SOX5: variants seen among roughly 807,000 people sequenced by gnomAD.
SOX5 encodes the protein SRY-box transcription factor 5, also known as transcription factor SOX-5.
A neutral mutation model predicts 92.0 loss-of-function variants in SOX5; 9 were observed. The ratio of observed to expected loss-of-function variants is 0.10; its 90% CI spans 0.06 to 0.17. The LOEUF is 0.17. SOX5 is among the 10% of genes least tolerant of loss of function. The probability of loss-of-function intolerance (pLI) is 1.00; values close to 1 mark genes in which losing one functional copy is unlikely to be tolerated. For synonymous variants in SOX5, 344 were observed against 336.3 expected (o/e 1.02, Z -0.25); for missense variants, 642 against 944.5 (o/e 0.68, Z 4.20).
chr12:23,944,851 T>C (rs1413026859), intron 1 of SOX5, among the ~76,000 whole-genome samples: 1 of 152,182 alleles, frequency 6.6e-6, no homozygotes, highest in Non-Finnish European at 1.5e-5. Flanking sequence ...TGCCATCATC[T>C]GAGTCAGAGA....
intron 6 of SOX5, among the ~76,000 whole-genome samples, chr12:23,710,456 G>C (rs1226383026): frequency 6.6e-6 from 1 of 151,894 alleles, no homozygotes; most frequent in Non-Finnish European, 1.5e-5. Flanking sequence ...TATTCTTGTT[G>C]TTCACTTCCC....
At chr12:23,682,700 A>C (rs1426208195) in intron 6 of SOX5, among the ~76,000 whole-genome samples, 2 of 151,884 alleles carry the variant, frequency 1.3e-5, no homozygotes, top group Non-Finnish European at 3.0e-5. Flanking sequence ...CTCTTTGTAT[A>C]ATATCTTCTT....
At chr12:23,601,501 C>A (rs146975306) in intron 9 of SOX5, among the ~76,000 whole-genome samples, 1 of 151,946 alleles carries the variant, frequency 6.6e-6, no homozygotes, top group Non-Finnish European at 1.5e-5. Context: ...AACACAAAAC[C>A]CTTTAATAAA....
chr12:23,998,180 A>G (rs1051343911), intron 4 of SOX5, among the ~76,000 whole-genome samples: 2 of 152,160 alleles, frequency 1.3e-5, no homozygotes, highest in Non-Finnish European at 2.9e-5. Flanking sequence ...AAATTAAACC[A>G]TGTTTTAAGA....
At chr12:24,305,367 T>G (rs1408224914) in intron 2 of SOX5, among the ~76,000 whole-genome samples, 2 of 152,180 alleles carry the variant, frequency 1.3e-5, no homozygotes, top group African/African-American at 4.8e-5. Flanking sequence ...TGATGGTGAT[T>G]CTGTTGGACA....
intron 9 of SOX5, 31 bp from the exon 10 acceptor site, chr12:23,575,869 T>A: frequency 6.7e-7 from 1 of 1,498,672 alleles, no homozygotes; most frequent in Non-Finnish European, 8.9e-7. Context: ...TGAGCTGTGA[T>A]AAGGAAAGGC....
chr12:23,559,584 A>C (rs1299349840), intron 11 of SOX5, among the ~76,000 whole-genome samples: 1 of 152,218 alleles, frequency 6.6e-6, no homozygotes, highest in Non-Finnish European at 1.5e-5. Flanking sequence ...ATCAGTCCCT[A>C]TCTTCACACC....
intron 3 of SOX5, among the ~76,000 whole-genome samples, chr12:24,239,486 G>A (rs993264129): frequency 9.2e-5 from 14 of 152,026 alleles, no homozygotes; most frequent in African/African-American, 3.4e-4. Flanking sequence ...ATTTTTATAG[G>A]ACTTCTGAAA....
At chr12:24,422,442 G>A (rs1426671516) in intron 1 of SOX5, among the ~76,000 whole-genome samples, 1 of 152,106 alleles carries the variant, frequency 6.6e-6, no homozygotes, top group Non-Finnish European at 1.5e-5. Flanking sequence ...CCCCAGCCTG[G>A]GAGATCATGG....
chr12:24,450,721 C>T (rs1227642263), intron 1 of SOX5, among the ~76,000 whole-genome samples: 5 of 152,126 alleles, frequency 3.3e-5, no homozygotes, highest in East Asian at 1.9e-4. Flanking sequence ...AAACTCCTGA[C>T]GTCAAGTGAT....
chr12:23,538,916 T>C (rs189683703), intron 13 of SOX5, among the ~76,000 whole-genome samples: 67 of 150,090 alleles, frequency 4.5e-4, no homozygotes, highest in African/African-American at 1.6e-3. Flanking sequence ...TTCTCCTGCC[T>C]CAGCCTCCCG....
chr12:24,030,694 G>T (rs1387793367), intron 4 of SOX5, among the ~76,000 whole-genome samples: 1 of 151,890 alleles, frequency 6.6e-6, no homozygotes, highest in Non-Finnish European at 1.5e-5. Flanking sequence ...AGACAAATGG[G>T]ATTATATCAA....
In SOX5 at chr12:24,147,049, C is replaced by T. The variant is rs140892234; in HGVS notation, c.-2+66294G>A. Among the ~76,000 whole-genome samples, 834 of 152,178 alleles carry T rather than the reference C, an allele frequency of 5.5e-3. 8 individuals are homozygous for T. The highest frequency in any genetic ancestry group is 0.016 in the African/African-American group (653 of 41,548). ...CTTCACTGGGAAATTCTGCTAATCA[C>T]TTAAGAAAGAAAAAAGTAACAATTT... On this transcript the variant is annotated intron_variant, in intron 4 of 4. Coordinates refer to the SOX5 transcript ENST00000446891.
chr12:23,923,128 C>A (rs1304501557), intron 1 of SOX5, among the ~76,000 whole-genome samples: 1 of 151,840 alleles, frequency 6.6e-6, no homozygotes, highest in East Asian at 1.9e-4. Context: ...TGTATTTTTA[C>A]TAGAGACGAG....
chr12:24,174,544 G>A (rs529571372), intron 4 of SOX5, among the ~76,000 whole-genome samples: 5 of 152,228 alleles, frequency 3.3e-5, no homozygotes, highest in East Asian at 1.9e-4. Flanking sequence ...AAAACAAGGC[G>A]GAAATAATTT....
At position 23,923,658 on chromosome 12, in the gene SOX5, C is replaced by T. The variant is rs1310627670; in HGVS notation, c.38+25906G>A. Among the ~76,000 whole-genome samples the T allele has an allele frequency of 2.6e-5, 4 of 152,164 alleles. No individual in the cohort carries two copies. In the East Asian group the frequency reaches 5.8e-4, roughly 22 times the overall value. ...GCTCAAAGAACAATACTTTTTATTG[C>T]TTATGAAATAACAGCCAATTTTGGG... On this transcript the variant is annotated intron_variant, in intron 1 of 14. Transcript: ENST00000451604.
intron 1 of SOX5, among the ~76,000 whole-genome samples, chr12:23,931,056 A>G (rs1941300061): frequency 6.6e-6 from 1 of 151,744 alleles, no homozygotes; most frequent in African/African-American, 2.4e-5. Flanking sequence ...ATTTTTATTC[A>G]TTTTTAAATC....
At chr12:23,538,394 A>G (rs1941099873) in intron 13 of SOX5, among the ~76,000 whole-genome samples, 1 of 152,192 alleles carries the variant, frequency 6.6e-6, no homozygotes, top group Non-Finnish European at 1.5e-5. Context: ...TACAGTGCAA[A>G]TAATAGAGTT....
At chr12:23,718,055 A>G (rs2092609017) in intron 6 of SOX5, among the ~76,000 whole-genome samples, 1 of 150,896 alleles carries the variant, frequency 6.6e-6, no homozygotes, top group Non-Finnish European at 1.5e-5. Flanking sequence ...AATTAAAGAC[A>G]TACTCCAAGT....
Sources: gnomAD v4.1 joint callset for allele counts (sites outside exome capture counted in the v4.1 genomes callset) on GRCh38, gnomAD v4.1.1 for gene constraint, MANE v1.5 for transcripts, NCBI Gene and HGNC (gene_info 2026-07-23, HGNC 2026-07-21) for gene names.